METTL5: variants seen among roughly 807,000 people sequenced by gnomAD.
METTL5 encodes the protein methyltransferase 5, N6-adenosine, also known as rRNA N(6)-adenosine-methyltransferase METTL5.
A neutral mutation model predicts 26.5 loss-of-function variants in METTL5; 28 were observed. The ratio of observed to expected loss-of-function variants is 1.06; its 90% confidence interval spans 0.78 to 1.45. The LOEUF (loss-of-function observed/expected upper bound fraction) is 1.45, where lower values mean the gene tolerates loss of function less well. METTL5 is among the 40% of genes most tolerant of loss of function. The pLI is 0.00. For synonymous variants in METTL5, 86 were observed against 82.6 expected (o/e 1.04, Z -0.22); for missense variants, 231 against 249.9 (o/e 0.92, Z 0.51).
chr2:169,812,501 G>A lies in METTL5; in HGVS notation c.547C>T (p.Arg183Ter). ...KIKIDIIAELRYDLPASYKFH... is the reference protein window; with the variant it reads ...KIKIDIIAEL Reference sequence around the variant, plus strand: ...TTGTATGATGCTGGCAGGTCATATCGAAGTTCTGTAAAACAAAAGCCACCT... The same window carrying A: ...TTGTATGATGCTGGCAGGTCATATCAAAGTTCTGTAAAACAAAAGCCACCT... The change falls in exon 6 of 7, where the codon CGA becomes TGA. Residue 183 changes from arginine to a stop codon, truncating the protein, a stop_gained. Transcript: ENST00000260953. LOFTEE classifies it high-confidence loss of function. 2.5e-6 allele frequency: 4 copies of A among 1,613,412 alleles called. No individual in the cohort carries two copies. The highest frequency in any genetic ancestry group is 4.5e-5 in the East Asian group (2 of 44,844).
At chr2:169,819,849 A>C (rs977203045) in intron 3 of METTL5, among the ~76,000 whole-genome samples, 7 of 152,240 alleles carry the variant, frequency 4.6e-5, no homozygotes, top group African/African-American at 1.4e-4. Flanking sequence ...AATAAGGATA[A>C]AGTAAAAATT....
intron 3 of METTL5, 115 bp from the exon 4 acceptor site, chr2:169,819,758 T>C: frequency 1.6e-6 from 1 of 627,174 alleles, no homozygotes; most frequent in South Asian, 2.2e-5. Context: ...TGAAATCTTT[T>C]AGCAATAAGG....
intron 1 of METTL5, among the ~76,000 whole-genome samples, chr2:169,823,118 A>G (rs1213147273): frequency 6.6e-6 from 1 of 151,960 alleles, no homozygotes; most frequent in Non-Finnish European, 1.5e-5. Flanking sequence ...AGCAGCTGGG[A>G]CTATAGGCAC....
chr2:169,815,673 A>G (rs2081496374), intron 4 of METTL5, 145 bp from the exon 5 acceptor site: 2 of 564,420 alleles, frequency 3.5e-6, no homozygotes, highest in East Asian at 5.9e-5. Flanking sequence ...TTGAATGGAT[A>G]GTATTCTGAA....
At position 169,812,483 on chromosome 2, in the gene METTL5, A is replaced by C; in HGVS notation, c.565T>G (p.Ser189Ala). Residue 189 changes from serine to alanine, a missense_variant, in exon 6 of 7, where the codon TCA (serine) becomes GCA (alanine). Physicochemically the swap from Ser to Ala is moderately conservative, Grantham distance 99 (BLOSUM62 1). Coordinates refer to ENST00000260953, the MANE Select transcript of METTL5 (RefSeq NM_014168.4). ...GATTTCTTTTTGTGAAACTTGTATG[A>C]TGCTGGCAGGTCATATCGAAGTTCT... ...IAELRYDLPA[S>A]YKFHKKKSVD... is the part of the protein sequence containing the mutation. 6.2e-7 allele frequency: 1 copy of C among 1,614,108 alleles called. No homozygotes were observed. Among genetic ancestry groups the C allele is most frequent in the Non-Finnish European group, 8.5e-7 (1 of 1,180,004 alleles).
chr2:169,814,253 C>T (rs1010257565), intron 5 of METTL5, among the ~76,000 whole-genome samples: 5 of 151,572 alleles, frequency 3.3e-5, no homozygotes, highest in Non-Finnish European at 5.9e-5. Flanking sequence ...TTTGGGAGGC[C>T]GAGGCTGGAG....
In METTL5 at chr2:169,811,778, TC is replaced by T. The variant is rs1689963634; in HGVS notation, c.*41del. On this transcript the variant is annotated 3_prime_UTR_variant, in exon 7 of 7. Coordinates refer to ENST00000260953, the MANE Select transcript of METTL5 (RefSeq NM_014168.4). ...GTAGTTTAGTAAACCAATTTTTTAT[TC>T]ATTTTAAATAGGTTTTAAACGACTT... is the stretch of plus-strand genomic sequence containing the variant. The T allele has an allele frequency of 6.2e-7, 1 of 1,612,950 alleles. No homozygotes were observed.
Position 169,824,611 on chromosome 2 carries a change from A to G in METTL5, c.-14T>C. Reference sequence around the variant, plus strand: ...TACTTTCTTCATTTTGTTTTAAAGTATGGACTCGTAGGGTTTGAAGGCACA... The same window carrying G: ...TACTTTCTTCATTTTGTTTTAAAGTGTGGACTCGTAGGGTTTGAAGGCACA... On this transcript the variant is annotated 5_prime_UTR_variant, in exon 1 of 7. Transcript: ENST00000260953. 1.3e-6 allele frequency: 2 copies of G among 1,590,922 alleles called. No individual in the cohort carries two copies. Among genetic ancestry groups the G allele is most frequent in the Non-Finnish European group, 1.7e-6 (2 of 1,158,762 alleles).
chr2:169,824,235 A>C, intron 1 of METTL5: 1 of 375,212 alleles, frequency 2.7e-6, no homozygotes, highest in East Asian at 4.5e-5. Context: ...GTGAGAAGAG[A>C]AAAAAACACA....
At chr2:169,812,229 C>G in intron 6 of METTL5, 1 of 663,262 alleles carries the variant, frequency 1.5e-6, no homozygotes, top group Non-Finnish European at 2.4e-6. Context: ...AATTACTTGT[C>G]ACAAAGCTTT....
At chr2:169,815,386 C>A in intron 5 of METTL5, 91 bp downstream of exon 5, 1 of 852,968 alleles carries the variant, frequency 1.2e-6, no homozygotes, top group Non-Finnish European at 1.9e-6. Context: ...CACTGTAAAG[C>A]ATAGTTTATC....
chr2:169,821,303 G>T, intron 2 of METTL5, 30 bp from the exon 3 acceptor site: 1 of 1,475,976 alleles, frequency 6.8e-7, no homozygotes, highest in Non-Finnish European at 9.0e-7. Flanking sequence ...ACAAAGAGTG[G>T]CGACTTATAG....
intron 4 of METTL5, 34 bp downstream of exon 4, chr2:169,819,527 C>A: frequency 6.7e-7 from 1 of 1,491,864 alleles, no homozygotes; most frequent in South Asian, 1.1e-5. Flanking sequence ...ATTTAAAAAT[C>A]AATGCCACAG....
chr2:169,821,154 C>CT lies in METTL5; in HGVS notation c.343dup (p.Arg115LysfsTer20). ...TACTGTATCGAATGACTTGGACATT[C>CT]TGTTAGATAATAAGCACACATCACA... On this transcript the variant is annotated frameshift_variant, in exon 3 of 7. Transcript: ENST00000260953. LOFTEE classifies it high-confidence loss of function. 6.2e-7 allele frequency: 1 copy of CT among 1,612,020 alleles called. No homozygotes were observed. Among genetic ancestry groups the CT allele is most frequent in the Non-Finnish European group, 8.5e-7 (1 of 1,179,192 alleles).
intron 4 of METTL5, among the ~76,000 whole-genome samples, chr2:169,819,136 T>C (rs751247720): frequency 2.8e-4 from 42 of 152,210 alleles, no homozygotes; most frequent in Non-Finnish European, 5.4e-4. Context: ...AAAGTAAGAA[T>C]AGGTGATTTC....
Position 169,812,481 on chromosome 2 carries a change from T to C in METTL5, c.567A>G (p.Ser189=). ...CTGATTTCTTTTTGTGAAACTTGTATGATGCTGGCAGGTCATATCGAAGTT... is the reference window on the plus strand; with the variant it reads ...CTGATTTCTTTTTGTGAAACTTGTACGATGCTGGCAGGTCATATCGAAGTT... The part of the protein sequence containing the change: ...IAELRYDLPA[S]YKFHKKKSVD... The change falls in exon 6 of 7, where the codon TCA becomes TCG. Residue 189 remains serine (S), a synonymous_variant. Transcript: ENST00000260953. The C allele has an allele frequency of 6.2e-7, 1 of 1,614,152 alleles. No homozygotes were observed. The highest frequency in any genetic ancestry group is 1.7e-5 in the Admixed American group (1 of 60,024).
chr2:169,812,568 A>AAAC (rs554510149), intron 5 of METTL5, 62 bp from the exon 6 acceptor site: 15 of 1,530,430 alleles, frequency 9.8e-6, no homozygotes, highest in East Asian at 4.5e-5. Context: ...ACCCTTGACT[A>AAAC]AACAACAACA....
At chr2:169,823,933 T>C (rs1277745986) in intron 1 of METTL5, among the ~76,000 whole-genome samples, 1 of 152,250 alleles carries the variant, frequency 6.6e-6, no homozygotes, top group Non-Finnish European at 1.5e-5. Context: ...ATATCTGGCA[T>C]GAAGCAACAA....
At chr2:169,818,696 G>A (rs2081542967) in intron 4 of METTL5, among the ~76,000 whole-genome samples, 1 of 152,114 alleles carries the variant, frequency 6.6e-6, no homozygotes, top group Non-Finnish European at 1.5e-5. Flanking sequence ...GTATTTACAT[G>A]AATTAAGTAT....
Sources: allele counts gnomAD v4.1 joint callset (sites outside exome capture counted in the v4.1 genomes callset), GRCh38; gene constraint gnomAD v4.1.1; transcripts MANE v1.5; gene names NCBI Gene and HGNC (gene_info 2026-07-23, HGNC 2026-07-21).